The following CHD1L variants were observed in gnomAD, a reference collection of about 807,000 sequenced individuals.
The protein encoded by CHD1L is chromodomain helicase DNA binding protein 1 like.
A neutral mutation model predicts 115.9 loss-of-function variants in CHD1L; 118 were observed. That is an observed-to-expected ratio of 1.02 (90% CI 0.88 to 1.19). CHD1L has a LOEUF of 1.19. Ranked by LOEUF, CHD1L falls within the 50% of genes most tolerant of loss-of-function variation. CHD1L has a pLI of 0.00. For missense variants in CHD1L, 1,179 were observed against 1,065.3 expected, an observed-to-expected ratio of 1.11 and a Z score of -1.49; for synonymous variants, 411 against 387.1, an observed-to-expected ratio of 1.06 and a Z score of -0.72.
chr1:147,260,147 A>T, intron 6 of CHD1L: 1 of 384,410 alleles, frequency 2.6e-6, no homozygotes, highest in Non-Finnish European at 4.8e-6. Flanking sequence ...TGATGAACCT[A>T]CATTGATACA....
chr1:147,226,297 C>G, the CHD1L span, among the ~76,000 whole-genome samples: 1 of 151,980 alleles, frequency 6.6e-6, no homozygotes, highest in Non-Finnish European at 1.5e-5. Flanking sequence ...ATCTACACTT[C>G]TGGAAGAAAT....
chr1:147,231,719 A>G, the CHD1L span, among the ~76,000 whole-genome samples: 1 of 151,762 alleles, frequency 6.6e-6, no homozygotes, highest in Non-Finnish European at 1.5e-5. Flanking sequence ...TGGGTGTAGG[A>G]CCCTCGGAGC....
chr1:147,264,848 G>C (rs1673274022), intron 7 of CHD1L, among the ~76,000 whole-genome samples: 1 of 152,322 alleles, frequency 6.6e-6, no homozygotes, highest in Non-Finnish European at 1.5e-5. Context: ...AGTGCCTGCT[G>C]ATTTGCAGAC....
chr1:147,245,315 C>T (rs587606125), intron 1 of CHD1L, among the ~76,000 whole-genome samples: 2 of 152,336 alleles, frequency 1.3e-5, no homozygotes, highest in Non-Finnish European at 2.9e-5. Context: ...TTTTCCGCTT[C>T]CCACTTAGCT....
At chr1:147,210,218 C>G in the CHD1L span, 1 of 152,166 alleles carries the variant, frequency 6.6e-6, no homozygotes, top group Admixed American at 6.5e-5. Flanking sequence ...AAAGCCTGTG[C>G]TTAAGAAATG....
Position 147,255,843 on chromosome 1 carries a change from T to G in CHD1L, c.378T>G (p.Tyr126Ter). 6.2e-7 allele frequency: 1 copy of G among 1,613,822 alleles called. No homozygotes were observed. Among genetic ancestry groups the G allele is most frequent in the Non-Finnish European group, 8.5e-7 (1 of 1,179,818 alleles). Residue 126 changes from tyrosine to a stop codon, truncating the protein, a stop_gained, in exon 4 of 23, where the codon TAT becomes TAG. Coordinates refer to ENST00000369258, the MANE Select transcript of CHD1L (RefSeq NM_004284.6). LOFTEE classifies it high-confidence loss of function. ...CTCCAGGTCTTTCCTGTGTAACATA[T>G]GCAGGCGACAAGGAGGAAAGAGCCT... Reference protein sequence around the residue: ...RFAPGLSCVTYAGDKEERACL... With the variant: ...RFAPGLSCVT
intron 8 of CHD1L, among the ~76,000 whole-genome samples, chr1:147,266,623 C>A (rs587667627): frequency 1.3e-5 from 2 of 152,332 alleles, no homozygotes; most frequent in East Asian, 3.9e-4. Flanking sequence ...GTCCAATAGT[C>A]ATGGTATCAC....
intron 1 of CHD1L, among the ~76,000 whole-genome samples, 170 bp from the exon 2 acceptor site, chr1:147,252,453 T>A (rs1341153231): frequency 6.6e-6 from 1 of 152,230 alleles, no homozygotes; most frequent in Admixed American, 6.5e-5. Flanking sequence ...AAAAGTAGTT[T>A]GGAAGTCAGC....
chr1:147,295,577 A>C lies in CHD1L; in HGVS notation c.*68A>C. On this transcript the variant is annotated 3_prime_UTR_variant, in exon 23 of 23. Transcript: ENST00000369258. ...TATTTACCCAGAGGTACTGCAATAG[A>C]GTATTTCAAAATGGAATCAGGATCT... 3 of 1,144,710 alleles carry C rather than the reference A, an allele frequency of 2.6e-6. No homozygotes were observed. Among genetic ancestry groups the C allele is most frequent in the Non-Finnish European group, 3.8e-6 (3 of 794,024 alleles). The allele number at this position is 1,144,710 out of a possible 1,614,324, so 70.9% of individuals were successfully genotyped here. A position where few individuals can be genotyped will look rare whatever the true frequency, so the allele number is the denominator to read the frequency against.
At chr1:147,279,782 T>C (rs1553960445) in intron 14 of CHD1L, among the ~76,000 whole-genome samples, 1 of 152,186 alleles carries the variant, frequency 6.6e-6, no homozygotes, top group Non-Finnish European at 1.5e-5. Flanking sequence ...TTTTTTTGTT[T>C]TGTTTTTATG....
intron 6 of CHD1L, among the ~76,000 whole-genome samples, chr1:147,263,052 T>C (rs1484218347): frequency 6.6e-6 from 1 of 152,142 alleles, no homozygotes; most frequent in Non-Finnish European, 1.5e-5. Flanking sequence ...TGTATGTAAA[T>C]GTGTATATAC....
chr1:147,234,620 TAAA>T, the CHD1L span, among the ~76,000 whole-genome samples: 3 of 152,234 alleles, frequency 2.0e-5, no homozygotes, highest in African/African-American at 7.2e-5. Context: ...TTTTCTAACT[TAAA>T]AATGTTTTTA....
intron 15 of CHD1L, among the ~76,000 whole-genome samples, chr1:147,282,665 T>G (rs1202762588): frequency 6.6e-6 from 1 of 152,218 alleles, no homozygotes; most frequent in East Asian, 1.9e-4. Context: ...GATCATATTT[T>G]TAAGTTATAA....
intron 19 of CHD1L, among the ~76,000 whole-genome samples, chr1:147,288,725 T>A (rs1684361969): frequency 6.6e-6 from 1 of 152,120 alleles, no homozygotes; most frequent in Non-Finnish European, 1.5e-5. Context: ...ATTAAAATGC[T>A]GACAAGAACT....
chr1:147,273,073 C>T (rs1022618618), intron 12 of CHD1L, among the ~76,000 whole-genome samples: 2 of 152,030 alleles, frequency 1.3e-5, no homozygotes, highest in South Asian at 2.1e-4. Flanking sequence ...TGTAGTGGTG[C>T]GTGCCTGTAA....
chr1:147,238,855 A>C (rs4245679), upstream of CHD1L, among the ~76,000 whole-genome samples: 8,517 of 152,106 alleles, frequency 0.056, 328 homozygotes, highest in African/African-American at 0.11. Flanking sequence ...TCCTTTAATC[A>C]CCTAGCCTTG....
chr1:147,212,620 T>A, the CHD1L span: 16 of 1,280,798 alleles, frequency 1.2e-5, no homozygotes, highest in Non-Finnish European at 1.5e-5. Flanking sequence ...TTTGCAGACT[T>A]AAGTTTAAGC....
chr1:147,204,912 C>T, the CHD1L span: 1 of 1,575,410 alleles, frequency 6.3e-7, no homozygotes, highest in Non-Finnish European at 8.7e-7. Flanking sequence ...AGCCCGGAGC[C>T]TTGGGAACTT....
chr1:147,294,637 C>A, intron 22 of CHD1L, 120 bp downstream of exon 22: 1 of 661,226 alleles, frequency 1.5e-6, no homozygotes. Flanking sequence ...TTTACTTTCC[C>A]CCTCTTCAGT....
Sources: allele counts gnomAD v4.1 joint callset (sites outside exome capture counted in the v4.1 genomes callset), GRCh38; gene constraint gnomAD v4.1.1; transcripts MANE v1.5; gene names NCBI Gene and HGNC (gene_info 2026-07-23, HGNC 2026-07-21).